Variants in FHIT observed in about 807,000 individuals in gnomAD.
FHIT encodes the protein fragile histidine triad diadenosine triphosphatase.
Under a neutral mutation model 17.9 loss-of-function variants are expected in FHIT, and 19 were observed. The ratio of observed to expected loss-of-function variants is 1.06; its 90% CI spans 0.74 to 1.56. The LOEUF is 1.56. FHIT is among the 40% of genes most tolerant of loss of function. FHIT has a pLI of 0.00. For missense variants in FHIT, 248 were observed against 189.2 expected (o/e 1.31, Z -1.82); for synonymous variants, 81 against 69.7 (o/e 1.16, Z -0.81).
At chr3:59,963,767 G>A (rs943528038) in intron 7 of FHIT, among the ~76,000 whole-genome samples, 4 of 152,132 alleles carry the variant, frequency 2.6e-5, no homozygotes, top group Non-Finnish European at 5.9e-5. Flanking sequence ...AATCCATAAA[G>A]CTTTACTACA....
rs1004592227 is a variant in FHIT at position 60,565,888 on chromosome 3, A to T, written c.-17-28909T>A. Among the ~76,000 whole-genome samples the T allele has an allele frequency of 2.6e-5, 4 of 151,986 alleles. No homozygotes were observed. The East Asian group carries it at 7.7e-4, about 29-fold the overall frequency. ...TTTTAGATCTTTCCTGCTTTCTCTT[A>T]TGGGCATTTAGTGCTATAAATTTCC... On this transcript the variant is annotated intron_variant, in intron 4 of 9. Transcript: ENST00000492590.
intron 4 of FHIT, among the ~76,000 whole-genome samples, chr3:60,548,885 A>G (rs1009695555): frequency 2.6e-5 from 4 of 152,204 alleles, no homozygotes; most frequent in African/African-American, 9.7e-5. Flanking sequence ...CTCTGCAACA[A>G]TGTAGCTAAC....
Position 61,131,752 on chromosome 3 carries a change from G to A in FHIT, c.-164+68865C>T, listed in dbSNP as rs1184406994. 2.0e-5 allele frequency among the ~76,000 whole-genome samples: 3 copies of A among 152,274 alleles called. No homozygotes were observed. In the East Asian group the frequency reaches 5.8e-4, roughly 29 times the overall value. On this transcript the variant is annotated intron_variant, in intron 2 of 9. Transcript: ENST00000492590. ...TCAAAAAAGGTTTCGTTGTTTATTGGGTATAAGCCAGGCAGGACTGAAAAG... is the reference window on the plus strand; with the variant it reads ...TCAAAAAAGGTTTCGTTGTTTATTGAGTATAAGCCAGGCAGGACTGAAAAG...
At chr3:61,194,897 T>C (rs1388121068) in intron 2 of FHIT, among the ~76,000 whole-genome samples, 1 of 151,898 alleles carries the variant, frequency 6.6e-6, no homozygotes, top group African/African-American at 2.4e-5. Context: ...ATTATTATAG[T>C]TCTGAAATAA....
At chr3:60,122,635 A>G (rs1705313468) in intron 5 of FHIT, among the ~76,000 whole-genome samples, 1 of 152,128 alleles carries the variant, frequency 6.6e-6, no homozygotes, top group Admixed American at 6.5e-5. Flanking sequence ...ACAGATAGAC[A>G]CTCAGAGCCT....
In FHIT at chr3:61,187,471, C is replaced by A. The variant is rs187939626; in HGVS notation, c.-164+13146G>T. Among the ~76,000 whole-genome samples the A allele has an allele frequency of 2.6e-4, 39 of 152,266 alleles. 1 individual carries two copies. In the East Asian group the frequency reaches 7.5e-3, roughly 29 times the overall value. ...CTATAAAGAGATTTAGACTCCCACACAATAATAATGGGAGACTTTAAAAAC... is the reference window on the plus strand; with the variant it reads ...CTATAAAGAGATTTAGACTCCCACAAAATAATAATGGGAGACTTTAAAAAC... On this transcript the variant is annotated intron_variant, in intron 2 of 9. Coordinates refer to ENST00000492590, the MANE Select transcript of FHIT (RefSeq NM_002012.4).
chr3:59,872,600 G>A (rs1390503418), intron 8 of FHIT, among the ~76,000 whole-genome samples: 1 of 152,140 alleles, frequency 6.6e-6, no homozygotes, highest in Non-Finnish European at 1.5e-5. Context: ...AGGTTGCATA[G>A]TGAGAGTCAT....
At chr3:60,866,289 T>C (rs1240240370) in intron 3 of FHIT, among the ~76,000 whole-genome samples, 3 of 152,220 alleles carry the variant, frequency 2.0e-5, no homozygotes, top group African/African-American at 4.8e-5. Flanking sequence ...GGCTGACCTG[T>C]GTAAGCAATA....
At chr3:60,043,700 T>C (rs1287924585) in intron 5 of FHIT, among the ~76,000 whole-genome samples, 2 of 138,852 alleles carry the variant, frequency 1.4e-5, no homozygotes, top group East Asian at 4.1e-4. Context: ...AAAATATCTA[T>C]TTTCTCCCCC....
intron 5 of FHIT, among the ~76,000 whole-genome samples, chr3:60,372,591 G>A (rs1042536801): frequency 2.0e-5 from 3 of 152,140 alleles, no homozygotes; most frequent in East Asian, 1.9e-4. Flanking sequence ...AGTTCGGGCC[G>A]ATCTACTTCA....
At chr3:61,215,059 T>A (rs892125463) in intron 1 of FHIT, among the ~76,000 whole-genome samples, 9 of 151,638 alleles carry the variant, frequency 5.9e-5, no homozygotes, top group Non-Finnish European at 1.2e-4. Context: ...TCATACTGAA[T>A]GGGCAAAAAC....
At chr3:60,797,985 A>G (rs1701045993) in intron 4 of FHIT, among the ~76,000 whole-genome samples, 1 of 152,216 alleles carries the variant, frequency 6.6e-6, no homozygotes, top group Admixed American at 6.5e-5. Flanking sequence ...CAAATTGTAT[A>G]CATTTTAAAT....
intron 4 of FHIT, among the ~76,000 whole-genome samples, chr3:60,598,292 G>A (rs185935905): frequency 6.6e-5 from 10 of 152,170 alleles, no homozygotes; most frequent in South Asian, 2.1e-4. Flanking sequence ...GAAAGGTAGC[G>A]ATCAAGCAAA....
At chr3:61,167,946 A>G (rs2037890114) in intron 2 of FHIT, among the ~76,000 whole-genome samples, 1 of 152,188 alleles carries the variant, frequency 6.6e-6, no homozygotes. Context: ...TGACAAAACC[A>G]CAACATAAAA....
chr3:59,787,196 CA>C (rs1699343078), intron 8 of FHIT, among the ~76,000 whole-genome samples: 1 of 152,150 alleles, frequency 6.6e-6, no homozygotes, highest in Non-Finnish European at 1.5e-5. Flanking sequence ...CTAACATGCT[CA>C]ATATCTCCCA....
chr3:60,956,758 G>A (rs543777467), intron 3 of FHIT, among the ~76,000 whole-genome samples: 1 of 152,302 alleles, frequency 6.6e-6, no homozygotes, highest in South Asian at 2.1e-4. Flanking sequence ...TTACAACAAA[G>A]AGAACTCATG....
chr3:60,384,848 A>G (rs1160510132), intron 5 of FHIT, among the ~76,000 whole-genome samples: 1 of 146,244 alleles, frequency 6.8e-6, no homozygotes, highest in Non-Finnish European at 1.5e-5. Context: ...AAAAAAAAAA[A>G]AAAAAAATCT....
At chr3:60,034,310 A>T (rs1701122721) in intron 5 of FHIT, among the ~76,000 whole-genome samples, 1 of 152,232 alleles carries the variant, frequency 6.6e-6, no homozygotes, top group African/African-American at 2.4e-5. Context: ...GCTGGCTCAC[A>T]CACACATACA....
intron 5 of FHIT, among the ~76,000 whole-genome samples, chr3:60,308,259 A>G (rs960880920): frequency 2.6e-5 from 4 of 152,112 alleles, no homozygotes; most frequent in African/African-American, 4.8e-5. Context: ...TGACAGTATT[A>G]CTTGCCTTAC....
Sources: gnomAD v4.1 joint callset for allele counts (sites outside exome capture counted in the v4.1 genomes callset) on GRCh38, gnomAD v4.1.1 for gene constraint, MANE v1.5 for transcripts, NCBI Gene and HGNC (gene_info 2026-07-23, HGNC 2026-07-21) for gene names.